Variants in GPALPP1 observed in about 807,000 individuals in gnomAD.
GPALPP1 encodes GPALPP motifs-containing protein 1.
In GPALPP1, 30 loss-of-function variants were observed where a neutral mutation model predicts 38.9. The ratio of observed to expected loss-of-function variants is 0.77; its 90% CI spans 0.58 to 1.05. GPALPP1 has a LOEUF of 1.05. Ranked by LOEUF, GPALPP1 falls within the 50% of genes least tolerant of loss-of-function variation. GPALPP1 has a pLI of 0.00. For synonymous variants in GPALPP1, 120 were observed against 139.2 expected (o/e 0.86, Z 0.97); for missense variants, 384 against 408.8 (o/e 0.94, Z 0.52).
At position 45,004,414 on chromosome 13, in the gene GPALPP1, A is replaced by AGAT; in HGVS notation, c.201_203dup (p.Asp68dup). 6.2e-7 allele frequency: 1 copy of AGAT among 1,610,260 alleles called. No homozygotes were observed. The highest frequency in any genetic ancestry group is 1.1e-5 in the South Asian group (1 of 90,954). ...AAGAAGGAAATCAAGAATCTGAAGA[A>AGAT]GATGACAGTGGTCCAACTGCAAGGT... On this transcript the variant is annotated inframe_insertion, in exon 2 of 8. Coordinates refer to ENST00000379151, the MANE Select transcript of GPALPP1 (RefSeq NM_018559.5).
At chr13:45,018,788 A>T (rs917331263) in intron 6 of GPALPP1, among the ~76,000 whole-genome samples, 1 of 151,190 alleles carries the variant, frequency 6.6e-6, no homozygotes. Context: ...TTCCTGTAAC[A>T]TTTTTTTGAA....
chr13:45,031,335 TATA>T (rs1264667789), downstream of GPALPP1: 2 of 152,214 alleles, frequency 1.3e-5, no homozygotes, highest in African/African-American at 4.8e-5. Context: ...TTAATTTTGT[TATA>T]ATTTTTTCCC....
intron 7 of GPALPP1, among the ~76,000 whole-genome samples, chr13:45,026,054 G>A (rs1194128434): frequency 6.6e-6 from 1 of 152,168 alleles, no homozygotes; most frequent in East Asian, 1.9e-4. Context: ...ACAGGCGTGA[G>A]CCACTGCGCC....
chr13:45,033,334 G>A (rs995757914), downstream of GPALPP1: 6 of 152,138 alleles, frequency 3.9e-5, no homozygotes, highest in African/African-American at 1.2e-4. Context: ...AATTAACATC[G>A]ACAGCCAAGT....
At chr13:44,996,973 C>G (rs1372523673) in intron 1 of GPALPP1, among the ~76,000 whole-genome samples, 2 of 151,950 alleles carry the variant, frequency 1.3e-5, no homozygotes, top group African/African-American at 4.8e-5. Context: ...ACTCTGTACT[C>G]ACTAAGTAAT....
At chr13:44,998,778 CT>C (rs1566073052) in intron 1 of GPALPP1, among the ~76,000 whole-genome samples, 2 of 152,164 alleles carry the variant, frequency 1.3e-5, no homozygotes, top group African/African-American at 4.8e-5. Context: ...GGTCAGCAAA[CT>C]TTTCTTGTAA....
At chr13:45,013,310 C>G (rs1342952688) in intron 4 of GPALPP1, among the ~76,000 whole-genome samples, 3 of 152,144 alleles carry the variant, frequency 2.0e-5, no homozygotes, top group Admixed American at 1.3e-4. Context: ...TACCAAGAAG[C>G]CTGCCAAAGT....
intron 7 of GPALPP1, among the ~76,000 whole-genome samples, chr13:45,026,769 T>G (rs893602902): frequency 5.9e-5 from 9 of 152,220 alleles, no homozygotes; most frequent in Admixed American, 5.9e-4. Context: ...GAAATGTGTT[T>G]CAGACACAGA....
At chr13:44,990,784 C>A (rs922042931) in intron 1 of GPALPP1, among the ~76,000 whole-genome samples, 5 of 152,134 alleles carry the variant, frequency 3.3e-5, no homozygotes, top group African/African-American at 1.2e-4. Context: ...TCTGTCATAA[C>A]CACTTTAAAA....
chr13:45,035,645 G>A (rs1876381349), exon 8 of GPALPP1: 1 of 152,122 alleles, frequency 6.6e-6, no homozygotes, highest in South Asian at 2.1e-4. Flanking sequence ...CTAGAATTCT[G>A]GACATAGCAG....
chr13:45,031,734 A>G (rs1055530664), downstream of GPALPP1: 1 of 152,218 alleles, frequency 6.6e-6, no homozygotes, highest in African/African-American at 2.4e-5. Context: ...TATTGACAAC[A>G]AAAGGACAAA....
chr13:45,002,676 A>G (rs1372724219), intron 1 of GPALPP1, among the ~76,000 whole-genome samples: 1 of 152,244 alleles, frequency 6.6e-6, no homozygotes, highest in Non-Finnish European at 1.5e-5. Context: ...TCCAAATCAC[A>G]CAGCTAGTAA....
chr13:44,994,754 C>T (rs536114036), intron 1 of GPALPP1, among the ~76,000 whole-genome samples: 4 of 152,102 alleles, frequency 2.6e-5, no homozygotes, highest in East Asian at 3.9e-4. Flanking sequence ...ATTATTTATT[C>T]GTGGTTTTTT....
At chr13:45,018,010 C>T (rs1874993430) in intron 6 of GPALPP1, among the ~76,000 whole-genome samples, 1 of 152,084 alleles carries the variant, frequency 6.6e-6, no homozygotes, top group South Asian at 2.1e-4. Flanking sequence ...TGATAGGTTC[C>T]CTCCATTCCA....
chr13:45,025,849 G>A (rs977938037), intron 7 of GPALPP1, among the ~76,000 whole-genome samples: 2 of 151,150 alleles, frequency 1.3e-5, no homozygotes, highest in South Asian at 2.1e-4. Flanking sequence ...TTGGCTTACC[G>A]CAACCTCCAC....
intron 7 of GPALPP1, among the ~76,000 whole-genome samples, chr13:45,021,978 C>A (rs1297921787): frequency 6.6e-6 from 1 of 152,120 alleles, no homozygotes; most frequent in African/African-American, 2.4e-5. Context: ...ACATGTTATT[C>A]TTAATAGCCT....
chr13:45,022,523 C>T (rs1875503245), intron 7 of GPALPP1, among the ~76,000 whole-genome samples: 1 of 151,822 alleles, frequency 6.6e-6, no homozygotes, highest in Admixed American at 6.6e-5. Context: ...AAAATGCATC[C>T]AAAAAATTAG....
chr13:45,033,592 G>A (rs1352027272), downstream of GPALPP1: 1 of 152,140 alleles, frequency 6.6e-6, no homozygotes. Context: ...TATAAATAAA[G>A]TTTTATCTAT....
chr13:45,021,077 T>C (rs1165499862), intron 7 of GPALPP1, among the ~76,000 whole-genome samples: 1 of 152,226 alleles, frequency 6.6e-6, no homozygotes, highest in East Asian at 1.9e-4. Flanking sequence ...ACAGTCAGTA[T>C]TCATTTGGCA....
Sources: allele counts gnomAD v4.1 joint callset (sites outside exome capture counted in the v4.1 genomes callset), GRCh38; gene constraint gnomAD v4.1.1; transcripts MANE v1.5; gene names NCBI Gene and HGNC (gene_info 2026-07-23, HGNC 2026-07-21).